ZAN: variants seen among roughly 807,000 people sequenced by gnomAD.
ZAN encodes the protein zonadhesin, also known as zonadhesin (gene/pseudogene).
Under a neutral mutation model 286.2 loss-of-function variants are expected in ZAN, and 260 were observed. That is an observed-to-expected ratio of 0.91 (90% CI 0.82 to 1.01). The LOEUF (loss-of-function observed/expected upper bound fraction) is 1.01. Among genes scored for constraint, ZAN ranks in the 50% least tolerant of loss-of-function variants. The pLI, the probability that ZAN is intolerant of heterozygous loss-of-function variation, is 0.00. For missense variants in ZAN, 3,410 were observed against 3,639.2 expected (o/e 0.94, Z 1.62); for synonymous variants, 1,368 against 1,417.5 (o/e 0.97, Z 0.79).
Position 100,734,543 on chromosome 7 carries a change from T to C in ZAN, c.53+322T>C, listed in dbSNP as rs764458216. 4.5e-5 allele frequency among the ~76,000 whole-genome samples: 6 copies of C among 132,358 alleles called. 2 individuals carry two copies. The highest frequency in any genetic ancestry group is 8.4e-5 in the African/African-American group (3 of 35,810). The allele number at this position is 132,358 out of a possible 152,430, so 86.8% of individuals were successfully genotyped here. Reference sequence around the variant, plus strand: ...CTGAGGCAGGAGAATCGCTTGAACCTGGGAGGCGGAGTTTGCAGTGAGCTG... The same window carrying C: ...CTGAGGCAGGAGAATCGCTTGAACCCGGGAGGCGGAGTTTGCAGTGAGCTG... On this transcript the variant is annotated intron_variant, in intron 2 of 47. Coordinates refer to ENST00000613979, the MANE Select transcript of ZAN (RefSeq NM_003386.3).
Position 100,779,729 on chromosome 7 carries a change from T to C in ZAN, c.6601T>C (p.Trp2201Arg), listed in dbSNP as rs767824504. The C allele has an allele frequency of 1.4e-5, 21 of 1,554,620 alleles. No individual in the cohort carries two copies. Among genetic ancestry groups the C allele is most frequent in the Admixed American group, 7.8e-5 (4 of 51,556 alleles). ...CQSQGLKPPL[W>R]RNSSFCPLEC... is the part of the protein sequence containing the mutation. ...GAGCCAGGGGCTCAAGCCCCCACTC[T>C]GGAGAAACAGCAGCTTCTGCCGTGA... The change falls in exon 35 of 48, where the codon TGG becomes CGG. Residue 2201 changes from tryptophan (W) to arginine (R), a missense_variant. Physicochemically the swap from Trp to Arg is moderately radical, Grantham distance 101. Coordinates refer to ENST00000613979, the MANE Select transcript of ZAN (RefSeq NM_003386.3).
chr7:100,783,876 GAACT>G (rs1323714803), intron 35 of ZAN, among the ~76,000 whole-genome samples: 24 of 140,904 alleles, frequency 1.7e-4, no homozygotes, highest in African/African-American at 4.3e-4. Context: ...CACTGAGGCA[GAACT>G]AACATCACCA....
intron 44 of ZAN, 33 bp from the exon 45 acceptor site, chr7:100,795,163 G>T (rs1422571370): frequency 1.3e-6 from 2 of 1,591,922 alleles, no homozygotes; most frequent in Non-Finnish European, 1.7e-6. Context: ...TCCTCCCAGG[G>T]CCCCCCTCCC....
rs1448261955 is a variant in ZAN, at chr7:100,762,298, C to T, written c.3926C>T (p.Pro1309Leu). 1 of 1,613,610 alleles carries T rather than the reference C, an allele frequency of 6.2e-7. No homozygotes were observed. Among genetic ancestry groups the T allele is most frequent in the African/African-American group, 1.3e-5 (1 of 74,878 alleles). Residue 1309 changes from proline (P) to leucine (L), a missense_variant, in exon 20 of 48, where the codon CCA (proline) becomes CTA (leucine). Coordinates refer to ENST00000613979, the MANE Select transcript of ZAN (RefSeq NM_003386.3). Reference sequence around the variant, plus strand: ...GACCACCTGAAGTTGGACGGCAGCCCAGCAGGAGACAAGGAGGAGCTGGGG... The same window carrying T: ...GACCACCTGAAGTTGGACGGCAGCCTAGCAGGAGACAAGGAGGAGCTGGGG... ...DNDHLKLDGS[P>L]AGDKEELGNS... is the part of the protein sequence containing the mutation.
At chr7:100,743,070 C>T (rs1807928035) in intron 7 of ZAN, among the ~76,000 whole-genome samples, 1 of 139,316 alleles carries the variant, frequency 7.2e-6, no homozygotes, top group Admixed American at 7.2e-5. Flanking sequence ...TGTTGCCAGG[C>T]TGGAGTGCAA....
At position 100,758,629 on chromosome 7, in the gene ZAN, C is replaced by T; in HGVS notation, c.3550C>T (p.Gln1184Ter). 6.4e-7 allele frequency: 1 copy of T among 1,556,936 alleles called. No individual in the cohort carries two copies. The highest frequency in any genetic ancestry group is 8.7e-7 in the Non-Finnish European group (1 of 1,150,188). The part of the protein sequence containing the change: ...FMGKCTYILA[Q>*]PCGNSTDPFF... ...GGGCAAGTGCACTTACATCTTGGCCCAGCCCTGTGGCAACTCAACAGGTAG... is the reference window on the plus strand; with the variant it reads ...GGGCAAGTGCACTTACATCTTGGCCTAGCCCTGTGGCAACTCAACAGGTAG... Residue 1184 changes from glutamine (Q) to a stop codon, truncating the protein, a stop_gained, in exon 17 of 48, where the codon CAG (glutamine) becomes TAG (stop). Coordinates refer to ENST00000613979, the MANE Select transcript of ZAN (RefSeq NM_003386.3). LOFTEE classifies it high-confidence loss of function.
chr7:100,741,011 G>A (rs1807706705), intron 7 of ZAN, among the ~76,000 whole-genome samples: 1 of 18,954 alleles, frequency 5.3e-5, no homozygotes, highest in Admixed American at 4.9e-4. Context: ...GGACGGGGCG[G>A]CTGGCCAGGC....
At position 100,738,684 on chromosome 7, in the gene ZAN, C is replaced by T. The variant is rs1263972399; in HGVS notation, c.766+71C>T. On this transcript the variant is annotated intron_variant, in intron 7 of 47. Coordinates refer to ENST00000613979, the MANE Select transcript of ZAN (RefSeq NM_003386.3). ...GCACCCTACGATAATTGCCCTGGGACGGTCTGTCATGAACACCTACAGCTT... is the reference window on the plus strand; with the variant it reads ...GCACCCTACGATAATTGCCCTGGGATGGTCTGTCATGAACACCTACAGCTT... The T allele has an allele frequency of 3.0e-5, 43 of 1,410,842 alleles. 5 individuals carry two copies. Among genetic ancestry groups the T allele is most frequent in the Admixed American group, 2.2e-4 (11 of 49,520 alleles). 87.4% of individuals were successfully genotyped at this position (1,410,842 alleles called of 1,614,324 possible). A position where few individuals can be genotyped will look rare whatever the true frequency, so the allele number is the denominator to read the frequency against.
chr7:100,740,390 T>C lies in ZAN; in HGVS notation c.766+1777T>C, dbSNP rs1293839818. On this transcript the variant is annotated intron_variant, in intron 7 of 47. Transcript: ENST00000613979. The stretch of plus-strand genomic sequence containing the variant: ...TCATGGGACAATAGTGGAGGGAAGG[T>C]CAGCAGATAAACAAGTGAACAAAGG... 1.5e-3 allele frequency among the ~76,000 whole-genome samples: 142 copies of C among 94,706 alleles called. 16 individuals carry two copies. Among genetic ancestry groups the C allele is most frequent in the Non-Finnish European group, 2.6e-3 (121 of 46,202 alleles). 62.1% of individuals were successfully genotyped at this position (94,706 alleles called of 152,430 possible). A position where few individuals can be genotyped will look rare whatever the true frequency, so the allele number is the denominator to read the frequency against.
In ZAN at chr7:100,776,443, T is replaced by C. The variant is rs1418725579; in HGVS notation, c.6196T>C (p.Cys2066Arg). The C allele has an allele frequency of 6.2e-7, 1 of 1,605,652 alleles. No individual in the cohort carries two copies. Among genetic ancestry groups the C allele is most frequent in the South Asian group, 1.1e-5 (1 of 89,106 alleles). The change falls in exon 34 of 48, where the codon TGC becomes CGC. Residue 2066 changes from cysteine to arginine, a missense_variant. Cys to Arg is a radical substitution (Grantham distance 180). Coordinates refer to ENST00000613979, the MANE Select transcript of ZAN (RefSeq NM_003386.3). ...AAAAACCACTCTCCCCCGCCAGGTC[T>C]GCGGCATGTGTGGGAACTTCAATGA... is the stretch of plus-strand genomic sequence containing the variant. ...EIPTTYYGKV[C>R]GMCGNFNDEE...
intron 26 of ZAN, 40 bp downstream of exon 26, chr7:100,768,051 G>T: frequency 6.3e-7 from 1 of 1,584,426 alleles, no homozygotes; most frequent in Non-Finnish European, 8.6e-7. Context: ...CTGGGACAAT[G>T]AGTAGGCGTG....
rs528086779 is a variant in ZAN at position 100,791,407 on chromosome 7, CCTT to C, written c.7529+303_7529+305del. On this transcript the variant is annotated intron_variant, in intron 40 of 47. Transcript: ENST00000613979. ...TCCTCCTCCTTCTCCTCCTCCTCCT[CCTT>C]CTTCTTCTCCTCCTCCTACTTCTTC... is the stretch of plus-strand genomic sequence containing the variant. Among the ~76,000 whole-genome samples the C allele has an allele frequency of 1.2e-3, 175 of 152,024 alleles. No individual in the cohort carries two copies. In the East Asian group the frequency reaches 0.016, roughly 14 times the overall value.
At position 100,796,421 on chromosome 7, in the gene ZAN, C is replaced by CTT. The variant is rs144829996; in HGVS notation, c.8267-927_8267-926dup. On this transcript the variant is annotated intron_variant, in intron 45 of 47. Coordinates refer to ENST00000613979, the MANE Select transcript of ZAN (RefSeq NM_003386.3). ...GGTCTGGAGTGGGCCCAGGAATCTG[C>CTT]TTTTTTTTTTTTTTTTTTTGAGTCT... 6.9e-4 allele frequency among the ~76,000 whole-genome samples: 83 copies of CTT among 120,348 alleles called. 1 individual carries two copies. The highest frequency in any genetic ancestry group is 8.4e-3 in the Middle Eastern group (2 of 238). 79.0% of individuals were successfully genotyped at this position (120,348 alleles called of 152,430 possible).
chr7:100,776,242 T>G (rs532805302), intron 33 of ZAN, among the ~76,000 whole-genome samples, 198 bp from the exon 34 acceptor site: 1 of 136,266 alleles, frequency 7.3e-6, no homozygotes, highest in Non-Finnish European at 1.5e-5. Flanking sequence ...TGCTTGAACC[T>G]GGGAGGCGGA....
chr7:100,771,766 A>G, intron 28 of ZAN, 78 bp from the exon 29 acceptor site: 1 of 1,462,918 alleles, frequency 6.8e-7, no homozygotes, highest in Non-Finnish European at 9.2e-7. Flanking sequence ...TGGATGTCGA[A>G]TCAGCCCCAG....
intron 7 of ZAN, among the ~76,000 whole-genome samples, chr7:100,740,292 T>TTTTAAGG (rs1562912784): frequency 4.5e-5 from 6 of 133,858 alleles, no homozygotes; most frequent in African/African-American, 1.4e-4. Flanking sequence ...CTGACTTATT[T>TTTTAAGG]ATTTTTTTTT....
chr7:100,792,163 C>T lies in ZAN; in HGVS notation c.7712+15C>T, dbSNP rs1336580561. 2.5e-6 allele frequency: 4 copies of T among 1,589,382 alleles called. 1 individual carries two copies. The highest frequency in any genetic ancestry group is 4.3e-4 in the Middle Eastern group (2 of 4,640). ...CCCTTCCAAGAGTGAGTCATGGGCC[C>T]AGGACTTGTGGGAATGGCCCAGGTG... On this transcript the variant is annotated intron_variant, in intron 41 of 47. Transcript: ENST00000613979.
At chr7:100,745,528 CTG>C (rs1252275780) in intron 7 of ZAN, among the ~76,000 whole-genome samples, 1 of 151,658 alleles carries the variant, frequency 6.6e-6, no homozygotes. Context: ...TCTTGCTCCT[CTG>C]TGTCAGAGCC....
intron 31 of ZAN, among the ~76,000 whole-genome samples, chr7:100,774,811 G>C (rs1310756378): frequency 6.7e-6 from 1 of 149,918 alleles, no homozygotes; most frequent in Non-Finnish European, 1.5e-5. Context: ...CTGGGTGACA[G>C]AGAGAGACCA....
Sources: gnomAD v4.1 joint callset for allele counts (sites outside exome capture counted in the v4.1 genomes callset) on GRCh38, gnomAD v4.1.1 for gene constraint, MANE v1.5 for transcripts, NCBI Gene and HGNC (gene_info 2026-07-23, HGNC 2026-07-21) for gene names.